PGM5: variants seen among roughly 807,000 people sequenced by gnomAD.
PGM5 encodes the protein phosphoglucomutase 5.
In PGM5, 23 loss-of-function variants were observed where a neutral mutation model predicts 59.2. That is an observed-to-expected ratio of 0.39 (90% confidence interval 0.28 to 0.55). PGM5 has a LOEUF of 0.55. Among genes scored for constraint, PGM5 ranks in the 20% least tolerant of loss-of-function variants. PGM5 has a pLI of 0.66. For synonymous variants in PGM5, 214 were observed against 286.0 expected, an observed-to-expected ratio of 0.75 and a Z score of 2.54; for missense variants, 574 against 748.3, an observed-to-expected ratio of 0.77 and a Z score of 2.72.
At chr9:68,372,818 A>T (rs1471874265) in intron 1 of PGM5, among the ~76,000 whole-genome samples, 1 of 152,078 alleles carries the variant, frequency 6.6e-6, no homozygotes, top group African/African-American at 2.4e-5. Flanking sequence ...ACACAGCAAG[A>T]GTGGGAGCAA....
At chr9:68,372,371 C>A (rs1821758912) in intron 1 of PGM5, among the ~76,000 whole-genome samples, 1 of 151,814 alleles carries the variant, frequency 6.6e-6, no homozygotes, top group South Asian at 2.1e-4. Flanking sequence ...TTCATATCTC[C>A]TCTTCTTTGT....
intron 9 of PGM5, among the ~76,000 whole-genome samples, chr9:68,490,760 G>T (rs1324695671): frequency 3.3e-5 from 5 of 152,126 alleles, no homozygotes; most frequent in African/African-American, 1.2e-4. Context: ...GCTGGAGTGT[G>T]GTTTGCGCAT....
intron 1 of PGM5, among the ~76,000 whole-genome samples, chr9:68,362,922 G>T: frequency 7.3e-6 from 1 of 136,782 alleles, no homozygotes; most frequent in African/African-American, 2.8e-5. Flanking sequence ...AGGCTAGAGT[G>T]CAGTGGCACA....
At chr9:68,396,983 T>C (rs868972914) in intron 6 of PGM5, 2 of 152,484 alleles carry the variant, frequency 1.3e-5, no homozygotes, top group African/African-American at 2.4e-5. Context: ...CAAACTTTCA[T>C]TGTTCACAGA....
intron 1 of PGM5, among the ~76,000 whole-genome samples, chr9:68,377,915 G>A (rs1323962477): frequency 6.6e-6 from 1 of 152,096 alleles, no homozygotes; most frequent in Admixed American, 6.6e-5. Context: ...CTAACCCCTC[G>A]ATTATCAGAA....
At chr9:68,487,418 G>A (rs1355835268) in intron 9 of PGM5, among the ~76,000 whole-genome samples, 4 of 133,588 alleles carry the variant, frequency 3.0e-5, no homozygotes, top group Non-Finnish European at 4.8e-5. Flanking sequence ...TTCAAGAAAA[G>A]GATACAACTA....
At chr9:68,394,386 G>C (rs1267331431) in intron 6 of PGM5, 3 of 152,158 alleles carry the variant, frequency 2.0e-5, no homozygotes, top group African/African-American at 7.2e-5. Flanking sequence ...AAAATCGCTT[G>C]AACCCAGGAG....
At chr9:68,361,691 C>T (rs1554676281) in intron 1 of PGM5, among the ~76,000 whole-genome samples, 1 of 152,184 alleles carries the variant, frequency 6.6e-6, no homozygotes, top group East Asian at 1.9e-4. Flanking sequence ...CATGAGGGCT[C>T]TGTCCTTATG....
chr9:68,482,192 C>A (rs184502271), intron 8 of PGM5, among the ~76,000 whole-genome samples: 58 of 152,144 alleles, frequency 3.8e-4, no homozygotes, highest in Middle Eastern at 3.4e-3. Flanking sequence ...CTAGACTGAA[C>A]GTGATCTATC....
intron 10 of PGM5, among the ~76,000 whole-genome samples, chr9:68,503,030 A>G (rs1212915337): frequency 6.6e-6 from 1 of 152,196 alleles, no homozygotes; most frequent in Non-Finnish European, 1.5e-5. Context: ...GAAGGCTTTA[A>G]CAACTAATAC....
chr9:68,376,765 ATTTCTTTCTTTCTTTC>A (rs71353048), intron 1 of PGM5, among the ~76,000 whole-genome samples: 2,207 of 96,766 alleles, frequency 0.023, 46 homozygotes, highest in South Asian at 0.08. Flanking sequence ...GAGGTTCTGC[ATTTCTTTCTTTCTTTC>A]TTTCTTTCTT....
chr9:68,367,505 A>G (rs1432207486), intron 1 of PGM5, among the ~76,000 whole-genome samples: 2 of 152,224 alleles, frequency 1.3e-5, no homozygotes, highest in Admixed American at 6.5e-5. Context: ...GCTTTAAAGT[A>G]CTTTGGCAGG....
chr9:68,471,336 A>C (rs1824015399), intron 7 of PGM5, among the ~76,000 whole-genome samples: 1 of 152,140 alleles, frequency 6.6e-6, no homozygotes, highest in South Asian at 2.1e-4. Context: ...TTTAAAATAC[A>C]ATCCCTAAAG....
intron 10 of PGM5, among the ~76,000 whole-genome samples, chr9:68,527,631 A>G (rs1238533664): frequency 6.6e-6 from 1 of 152,242 alleles, no homozygotes; most frequent in African/African-American, 2.4e-5. Flanking sequence ...TAAGAGGAAA[A>G]GAATCCCTTC....
In PGM5 at chr9:68,529,589, C is replaced by A; in HGVS notation, c.1637C>A (p.Ala546Asp). 1 of 1,598,020 alleles carries A rather than the reference C, an allele frequency of 6.3e-7. No individual in the cohort carries two copies. Among genetic ancestry groups the A allele is most frequent in the Middle Eastern group, 1.7e-4 (1 of 6,050 alleles). The change falls in exon 11 of 11, where the codon GCC (alanine) becomes GAC (aspartate). Residue 546 changes from alanine to aspartate, a missense_variant. Around this residue, in one of 7 missense-constraint regions of PGM5, gnomAD observed 300 missense variants for 280.0 expected, o/e 1.07. Coordinates refer to ENST00000396396, the MANE Select transcript of PGM5 (RefSeq NM_021965.4). ...CAGGCAGTGCTGAGCCCTCTCATAG[C>A]CATCGCACTGAAAATATCCCAGATT... ...EPQAVLSPLI[A>D]IALKISQIHE... is the part of the protein sequence containing the mutation.
At chr9:68,503,305 G>C (rs1225796451) in intron 10 of PGM5, among the ~76,000 whole-genome samples, 1 of 152,154 alleles carries the variant, frequency 6.6e-6, no homozygotes, top group Non-Finnish European at 1.5e-5. Context: ...GCTTAGCTTA[G>C]CCTACCTTGA....
chr9:68,380,669 A>T, intron 2 of PGM5, among the ~76,000 whole-genome samples: 1 of 151,836 alleles, frequency 6.6e-6, no homozygotes, highest in Non-Finnish European at 1.5e-5. Context: ...GGTTCTTTGA[A>T]AAAATAAAAT....
chr9:68,448,718 A>G (rs1245796207), intron 6 of PGM5, among the ~76,000 whole-genome samples: 3 of 152,192 alleles, frequency 2.0e-5, no homozygotes, highest in Admixed American at 1.3e-4. Context: ...AGCCCTGTTC[A>G]TTGCCAGACC....
chr9:68,456,954 G>C (rs960654512), intron 6 of PGM5, among the ~76,000 whole-genome samples: 9 of 152,042 alleles, frequency 5.9e-5, no homozygotes, highest in Non-Finnish European at 1.3e-4. Flanking sequence ...CTAATGTGAT[G>C]CATGTGACAT....
Sources: allele counts gnomAD v4.1 joint callset (sites outside exome capture counted in the v4.1 genomes callset), GRCh38; gene constraint gnomAD v4.1.1; regional missense constraint gnomAD v4.1.1; transcripts MANE v1.5; gene names NCBI Gene and HGNC (gene_info 2026-07-23, HGNC 2026-07-21).